Variants in AUH observed in about 807,000 individuals in gnomAD.
AUH encodes the protein AU RNA binding methylglutaconyl-CoA hydratase.
AUH carries 29 observed loss-of-function variants against 42.3 expected under a neutral mutation model. The observed-to-expected ratio is 0.69, with a 90% CI of 0.51 to 0.93. The LOEUF is 0.93. Ranked by LOEUF, AUH falls within the 40% of genes least tolerant of loss-of-function variation. The pLI is 0.00. For missense variants in AUH, 452 were observed against 438.1 expected, an observed-to-expected ratio of 1.03 and a Z score of -0.28; for synonymous variants, 174 against 166.4, an observed-to-expected ratio of 1.05 and a Z score of -0.35.
At chr9:91,312,968 T>C (rs1476603003) in intron 4 of AUH, among the ~76,000 whole-genome samples, 1 of 152,048 alleles carries the variant, frequency 6.6e-6, no homozygotes, top group Non-Finnish European at 1.5e-5. Context: ...AAAGTTCCCA[T>C]GAGGCAATGG....
Position 91,214,341 on chromosome 9 carries a change from G to A in AUH, c.*7C>T. Reference sequence around the variant, plus strand: ...TTACATTGGCATCTTAAGAATTTCTGTTCCTTTTATTCTCCTTTATAGCGA... The same window carrying A: ...TTACATTGGCATCTTAAGAATTTCTATTCCTTTTATTCTCCTTTATAGCGA... On this transcript the variant is annotated 3_prime_UTR_variant, in exon 10 of 10. Transcript: ENST00000375731. 1 of 1,600,466 alleles carries A rather than the reference G, an allele frequency of 6.2e-7. No homozygotes were observed.
intron 1 of AUH, among the ~76,000 whole-genome samples, chr9:91,359,290 C>CTAG (rs1250206943): frequency 6.6e-6 from 1 of 152,154 alleles, no homozygotes; most frequent in East Asian, 1.9e-4. Flanking sequence ...ATTCCCTTCC[C>CTAG]CAGAAGAAGC....
chr9:91,229,673 G>A (rs1298230700), intron 6 of AUH, among the ~76,000 whole-genome samples: 1 of 152,124 alleles, frequency 6.6e-6, no homozygotes, highest in Non-Finnish European at 1.5e-5. Context: ...ATTTTGGCAT[G>A]ATTTTGCAAG....
intron 4 of AUH, among the ~76,000 whole-genome samples, chr9:91,303,270 T>C (rs944541330): frequency 2.0e-5 from 3 of 152,162 alleles, no homozygotes; most frequent in Non-Finnish European, 4.4e-5. Flanking sequence ...TGTAGGTTAT[T>C]TGATGCTTCT....
intron 4 of AUH, among the ~76,000 whole-genome samples, chr9:91,321,511 C>T (rs1241788407): frequency 2.0e-5 from 3 of 152,050 alleles, no homozygotes; most frequent in Admixed American, 2.0e-4. Flanking sequence ...CTTTATGACT[C>T]CAAAAAGCAA....
chr9:91,229,965 C>T (rs376877759), intron 6 of AUH, among the ~76,000 whole-genome samples: 2 of 152,084 alleles, frequency 1.3e-5, no homozygotes, highest in Admixed American at 1.3e-4. Flanking sequence ...GGTAACCCGA[C>T]CTTTCTCTCT....
intron 6 of AUH, among the ~76,000 whole-genome samples, chr9:91,267,877 T>A (rs377625250): frequency 1.6e-4 from 24 of 152,172 alleles, no homozygotes; most frequent in Admixed American, 7.2e-4. Context: ...ATATGAGTTG[T>A]TGGAAGATGA....
At chr9:91,321,183 C>A (rs1829541190) in intron 4 of AUH, among the ~76,000 whole-genome samples, 1 of 152,134 alleles carries the variant, frequency 6.6e-6, no homozygotes, top group African/African-American at 2.4e-5. Flanking sequence ...CCAGATGTGG[C>A]TATTTTTAAC....
At chr9:91,316,695 T>A (rs1018241920) in intron 4 of AUH, among the ~76,000 whole-genome samples, 7 of 152,348 alleles carry the variant, frequency 4.6e-5, no homozygotes, top group African/African-American at 1.7e-4. Context: ...GAAATGTTTT[T>A]CTGTCATGTC....
At chr9:91,247,183 T>C (rs1386402364) in intron 6 of AUH, among the ~76,000 whole-genome samples, 1 of 152,172 alleles carries the variant, frequency 6.6e-6, no homozygotes, top group African/African-American at 2.4e-5. Flanking sequence ...GTACACTGCA[T>C]CACCCTTTTA....
At chr9:91,277,611 A>G (rs1825646751) in intron 6 of AUH, among the ~76,000 whole-genome samples, 1 of 152,206 alleles carries the variant, frequency 6.6e-6, no homozygotes, top group Non-Finnish European at 1.5e-5. Context: ...GTATGAATAT[A>G]TCAGTGTATG....
At chr9:91,274,597 T>C (rs942433919) in intron 6 of AUH, among the ~76,000 whole-genome samples, 2 of 152,224 alleles carry the variant, frequency 1.3e-5, no homozygotes, top group East Asian at 1.9e-4. Flanking sequence ...AAGTCAAGTG[T>C]ATAAAAATTG....
At chr9:91,308,382 C>T (rs530580684) in intron 4 of AUH, among the ~76,000 whole-genome samples, 1 of 152,074 alleles carries the variant, frequency 6.6e-6, no homozygotes, top group Non-Finnish European at 1.5e-5. Flanking sequence ...AAACTACATA[C>T]TGAACTATGA....
At chr9:91,242,135 T>C (rs1381177896) in intron 6 of AUH, among the ~76,000 whole-genome samples, 1 of 152,326 alleles carries the variant, frequency 6.6e-6, no homozygotes, top group East Asian at 1.9e-4. Flanking sequence ...GACAAGGCAT[T>C]GCCAGGGCGA....
chr9:91,326,997 T>A (rs1830005842), intron 3 of AUH, among the ~76,000 whole-genome samples: 1 of 152,176 alleles, frequency 6.6e-6, no homozygotes, highest in South Asian at 2.1e-4. Context: ...GCCATTCTGC[T>A]GCCCAGCAAT....
intron 6 of AUH, among the ~76,000 whole-genome samples, chr9:91,267,686 G>C (rs1168010551): frequency 6.6e-6 from 1 of 151,868 alleles, no homozygotes; most frequent in Non-Finnish European, 1.5e-5. Context: ...CTTGCTGTTA[G>C]TGGTTTAAGG....
chr9:91,274,967 A>G (rs758354420), intron 6 of AUH, among the ~76,000 whole-genome samples: 1 of 152,226 alleles, frequency 6.6e-6, no homozygotes, highest in African/African-American at 2.4e-5. Context: ...CACACAGAAG[A>G]GAGTAACAAT....
intron 6 of AUH, among the ~76,000 whole-genome samples, chr9:91,228,336 T>C (rs1209189748): frequency 1.3e-5 from 2 of 152,168 alleles, no homozygotes; most frequent in East Asian, 3.9e-4. Context: ...CTAGTTTATT[T>C]GCATAGAGGT....
intron 6 of AUH, among the ~76,000 whole-genome samples, chr9:91,229,455 C>T (rs1291542355): frequency 4.6e-5 from 7 of 150,708 alleles, no homozygotes; most frequent in South Asian, 2.1e-4. Flanking sequence ...TGTCTCTGCA[C>T]GTGAGATGGG....
Sources: allele counts gnomAD v4.1 joint callset (sites outside exome capture counted in the v4.1 genomes callset), GRCh38; gene constraint gnomAD v4.1.1; transcripts MANE v1.5; gene names NCBI Gene and HGNC (gene_info 2026-07-23, HGNC 2026-07-21).